Variants in AFG1L observed in about 807,000 individuals in gnomAD.
AFG1L encodes AFG1-like ATPase.
Under a neutral mutation model 62.2 loss-of-function variants are expected in AFG1L, and 53 were observed. That is an observed-to-expected ratio of 0.85 (90% CI 0.68 to 1.07). The LOEUF (loss-of-function observed/expected upper bound fraction) is 1.07. Ranked by LOEUF, AFG1L falls within the 50% of genes least tolerant of loss-of-function variation. The probability of loss-of-function intolerance (pLI) is 0.00; values close to 1 mark genes in which losing one functional copy is unlikely to be tolerated. For synonymous variants in AFG1L, 228 were observed against 210.3 expected (o/e 1.08, Z -0.73); for missense variants, 555 against 590.5 (o/e 0.94, Z 0.62).
chr6:108,325,053 A>G (rs1172280242), intron 2 of AFG1L, among the ~76,000 whole-genome samples: 1 of 152,084 alleles, frequency 6.6e-6, no homozygotes. Context: ...GAAACATAAC[A>G]TCTCCTTTCG....
At chr6:108,498,082 C>T (rs1337123210) in intron 10 of AFG1L, among the ~76,000 whole-genome samples, 1 of 152,120 alleles carries the variant, frequency 6.6e-6, no homozygotes, top group Non-Finnish European at 1.5e-5. Flanking sequence ...TGGCTTTTGT[C>T]CTTTTTGTGT....
At chr6:108,420,357 TTTTATTAAATTTATTTAA>T (rs1351363130) in intron 7 of AFG1L, among the ~76,000 whole-genome samples, 3 of 149,972 alleles carry the variant, frequency 2.0e-5, no homozygotes, top group Admixed American at 6.7e-5. Flanking sequence ...ACCCAAGATA[TTTTATTAAATTTATTTAA>T]TTTATTAAAT....
In AFG1L at chr6:108,477,278, G is replaced by C; in HGVS notation, c.1048G>C (p.Glu350Gln). ...AACCGTTGCCGACTGCACATTTGAA[G>C]AGCTGTGTGAGAGAGTAAGTATCCA... is the stretch of plus-strand genomic sequence containing the variant. ...CGTVADCTFEELCERPLGASD... is the reference protein window; with the variant it reads ...CGTVADCTFEQLCERPLGASD... Residue 350 changes from glutamate to glutamine, a missense_variant, in exon 10 of 13, where the codon GAG becomes CAG. Transcript: ENST00000368977. 1 of 1,605,932 alleles carries C rather than the reference G, an allele frequency of 6.2e-7. No individual in the cohort carries two copies. The highest frequency in any genetic ancestry group is 8.5e-7 in the Non-Finnish European group (1 of 1,174,146).
chr6:108,518,658 A>G (rs1774998901), intron 11 of AFG1L, among the ~76,000 whole-genome samples: 1 of 152,242 alleles, frequency 6.6e-6, no homozygotes, highest in South Asian at 2.1e-4. Flanking sequence ...AATAATAAAA[A>G]AAAGAATATG....
At chr6:108,376,745 C>T (rs563049676) in intron 6 of AFG1L, among the ~76,000 whole-genome samples, 2 of 151,924 alleles carry the variant, frequency 1.3e-5, no homozygotes, top group African/African-American at 4.8e-5. Flanking sequence ...TATTTGTGGT[C>T]GATATATAGA....
At chr6:108,396,681 G>C (rs1164507698) in intron 6 of AFG1L, among the ~76,000 whole-genome samples, 1 of 151,964 alleles carries the variant, frequency 6.6e-6, no homozygotes, top group Non-Finnish European at 1.5e-5. Flanking sequence ...AGTTGAGATG[G>C]AGTTTCACCA....
chr6:108,345,501 G>A (rs746152745), intron 2 of AFG1L, among the ~76,000 whole-genome samples: 16 of 151,668 alleles, frequency 1.1e-4, no homozygotes, highest in South Asian at 2.1e-4. Flanking sequence ...CTGGGACTGC[G>A]GGAGTACATC....
chr6:108,464,738 C>T (rs1772599033), intron 8 of AFG1L, among the ~76,000 whole-genome samples: 2 of 152,028 alleles, frequency 1.3e-5, no homozygotes, highest in Non-Finnish European at 2.9e-5. Flanking sequence ...TTGAGCTTTG[C>T]TCCTCAACCC....
chr6:108,375,583 T>G (rs1780207171), intron 6 of AFG1L, among the ~76,000 whole-genome samples: 1 of 152,152 alleles, frequency 6.6e-6, no homozygotes, highest in Non-Finnish European at 1.5e-5. Flanking sequence ...TTGAGATGAT[T>G]CTATGGTTTT....
rs758743782 is a variant in AFG1L, at chr6:108,321,924, C to T, written c.140-1901C>T. ...GGAGAGAGAGTCTCACTCTGTTGCC[C>T]GGGCTGGAGTGCAGTGGTGTAGGTC... On this transcript the variant is annotated intron_variant, in intron 1 of 12. Transcript: ENST00000368977. Among the ~76,000 whole-genome samples the T allele has an allele frequency of 4.6e-5, 7 of 152,080 alleles. No homozygotes were observed. In the South Asian group the frequency reaches 6.2e-4, roughly 14 times the overall value.
At chr6:108,379,517 T>C (rs1780405671) in intron 6 of AFG1L, among the ~76,000 whole-genome samples, 1 of 152,182 alleles carries the variant, frequency 6.6e-6, no homozygotes, top group Non-Finnish European at 1.5e-5. Context: ...TGTTCAGCTC[T>C]GGTGGTGACA....
chr6:108,361,871 C>T (rs749017180), intron 5 of AFG1L, among the ~76,000 whole-genome samples: 1 of 152,124 alleles, frequency 6.6e-6, no homozygotes, highest in Non-Finnish European at 1.5e-5. Flanking sequence ...TCATATATCA[C>T]CTTTTAACAT....
intron 3 of AFG1L, among the ~76,000 whole-genome samples, chr6:108,348,929 G>C (rs950615843): frequency 6.6e-6 from 1 of 152,136 alleles, no homozygotes; most frequent in Non-Finnish European, 1.5e-5. Context: ...AAAACCCTAT[G>C]AATGTTGTTG....
intron 6 of AFG1L, among the ~76,000 whole-genome samples, chr6:108,372,452 C>T (rs1413135654): frequency 6.6e-6 from 1 of 151,782 alleles, no homozygotes; most frequent in East Asian, 1.9e-4. Flanking sequence ...GCCTCAGCCT[C>T]CTGAGTAGCT....
At chr6:108,407,812 T>C (rs1781924732) in intron 7 of AFG1L, among the ~76,000 whole-genome samples, 1 of 152,204 alleles carries the variant, frequency 6.6e-6, no homozygotes, top group South Asian at 2.1e-4. Context: ...GATGTTTCTT[T>C]TATATATAAT....
At chr6:108,396,481 CT>C (rs201935764) in intron 6 of AFG1L, among the ~76,000 whole-genome samples, 3 of 151,600 alleles carry the variant, frequency 2.0e-5, no homozygotes, top group African/African-American at 7.3e-5. Flanking sequence ...GGGTATATAT[CT>C]TTTTTTTGTT....
intron 7 of AFG1L, among the ~76,000 whole-genome samples, chr6:108,413,805 A>G (rs1056390097): frequency 6.6e-6 from 1 of 152,216 alleles, no homozygotes. Flanking sequence ...AAATGCCCAC[A>G]AGAGAAAGCA....
At chr6:108,371,799 C>T (rs753436988) in intron 6 of AFG1L, among the ~76,000 whole-genome samples, 3 of 152,060 alleles carry the variant, frequency 2.0e-5, no homozygotes, top group African/African-American at 7.2e-5. Context: ...TACTCTGGCC[C>T]AGGCTGGAGT....
intron 6 of AFG1L, among the ~76,000 whole-genome samples, chr6:108,375,476 T>C (rs540876613): frequency 2.6e-5 from 4 of 152,266 alleles, no homozygotes; most frequent in East Asian, 1.9e-4. Context: ...TAGATGGCTC[T>C]TATTATTTTT....
Sources: gnomAD v4.1 joint callset for allele counts (sites outside exome capture counted in the v4.1 genomes callset) on GRCh38, gnomAD v4.1.1 for gene constraint, MANE v1.5 for transcripts, NCBI Gene and HGNC (gene_info 2026-07-23, HGNC 2026-07-21) for gene names.